Variants in NOL4 observed in about 807,000 individuals in gnomAD.
The protein encoded by NOL4 is nucleolar protein 4, also known as cancer/testis antigen 125.
NOL4 carries 17 observed loss-of-function variants against 75.9 expected under a neutral mutation model. The ratio of observed to expected loss-of-function variants is 0.22; its 90% CI spans 0.15 to 0.34. NOL4 has a LOEUF of 0.34. NOL4 is among the 10% of genes least tolerant of loss of function. The pLI is 1.00. For missense variants in NOL4, 614 were observed against 793.5 expected, an observed-to-expected ratio of 0.77 and a Z score of 2.72; for synonymous variants, 292 against 289.9, an observed-to-expected ratio of 1.01 and a Z score of -0.07.
chr18:33,959,625 A>C (rs1172971912), intron 6 of NOL4, among the ~76,000 whole-genome samples: 2 of 152,096 alleles, frequency 1.3e-5, no homozygotes, highest in African/African-American at 4.8e-5. Context: ...CTGTTTCATG[A>C]TATAAAAGAT....
At chr18:33,992,531 T>C (rs1209628029) in intron 6 of NOL4, among the ~76,000 whole-genome samples, 1 of 151,768 alleles carries the variant, frequency 6.6e-6, no homozygotes, top group African/African-American at 2.4e-5. Flanking sequence ...ACAGTGAGAG[T>C]CTGTGGTATT....
chr18:33,967,509 A>G (rs918756604), intron 6 of NOL4, among the ~76,000 whole-genome samples: 6 of 152,186 alleles, frequency 3.9e-5, no homozygotes, highest in African/African-American at 4.8e-5. Context: ...CGGCAAAACA[A>G]ATTAGCAGAG....
intron 1 of NOL4, among the ~76,000 whole-genome samples, chr18:34,138,234 T>G (rs1427222273): frequency 6.6e-6 from 1 of 151,896 alleles, no homozygotes; most frequent in African/African-American, 2.4e-5. Flanking sequence ...CCCTCATCAC[T>G]ATAAAAAATA....
intron 9 of NOL4, among the ~76,000 whole-genome samples, chr18:33,922,374 A>T (rs1161803753): frequency 6.6e-6 from 1 of 152,214 alleles, no homozygotes; most frequent in Non-Finnish European, 1.5e-5. Flanking sequence ...TAGACTTAAA[A>T]ATAAAGTGAA....
chr18:34,077,594 T>G (rs901322311), intron 5 of NOL4, among the ~76,000 whole-genome samples: 1 of 151,928 alleles, frequency 6.6e-6, no homozygotes, highest in Non-Finnish European at 1.5e-5. Flanking sequence ...AAACACAACA[T>G]GCAAGGACAA....
chr18:34,172,498 G>A (rs866707551), intron 1 of NOL4, among the ~76,000 whole-genome samples: 1 of 152,048 alleles, frequency 6.6e-6, no homozygotes, highest in African/African-American at 2.4e-5. Context: ...TGCGAGTGCA[G>A]ATATCTCTTC....
intron 5 of NOL4, among the ~76,000 whole-genome samples, chr18:34,066,059 G>T (rs888055062): frequency 1.3e-5 from 2 of 151,770 alleles, no homozygotes; most frequent in African/African-American, 4.8e-5. Flanking sequence ...TTATAAGCAG[G>T]TTCACAGGAT....
intron 2 of NOL4, among the ~76,000 whole-genome samples, chr18:34,111,437 G>C (rs567113460): frequency 4.0e-5 from 6 of 151,828 alleles, no homozygotes; most frequent in Admixed American, 3.3e-4. Flanking sequence ...CTCATAAATG[G>C]GATTAGTGCC....
intron 9 of NOL4, among the ~76,000 whole-genome samples, chr18:33,886,471 T>A (rs1417932686): frequency 6.7e-6 from 1 of 148,484 alleles, no homozygotes; most frequent in African/African-American, 2.5e-5. Context: ...GAGGTTGCAG[T>A]GAGCCAAGAT....
At chr18:33,913,413 C>T (rs976401384) in intron 9 of NOL4, among the ~76,000 whole-genome samples, 5 of 152,152 alleles carry the variant, frequency 3.3e-5, no homozygotes, top group African/African-American at 1.2e-4. Flanking sequence ...TGGATGTCGT[C>T]ATTCCATTAG....
At chr18:34,166,535 A>G (rs1177103257) in intron 1 of NOL4, among the ~76,000 whole-genome samples, 1 of 152,118 alleles carries the variant, frequency 6.6e-6, no homozygotes, top group East Asian at 1.9e-4. Flanking sequence ...TTTGAACTGG[A>G]GCCAATGGTA....
chr18:34,102,837 G>C (rs1235954439), intron 4 of NOL4, among the ~76,000 whole-genome samples: 1 of 151,758 alleles, frequency 6.6e-6, no homozygotes, highest in African/African-American at 2.4e-5. Flanking sequence ...AAGGACATTA[G>C]TATTTTCTTA....
chr18:34,169,873 A>T (rs1370640938), intron 1 of NOL4, among the ~76,000 whole-genome samples: 1 of 152,100 alleles, frequency 6.6e-6, no homozygotes, highest in Admixed American at 6.5e-5. Flanking sequence ...TTAAGGACAA[A>T]ATTTTACTAT....
chr18:34,099,654 A>C (rs2078953315), intron 4 of NOL4, among the ~76,000 whole-genome samples: 1 of 151,996 alleles, frequency 6.6e-6, no homozygotes, highest in Non-Finnish European at 1.5e-5. Context: ...TTTCTATCCC[A>C]CTGATATTTA....
intron 1 of NOL4, among the ~76,000 whole-genome samples, chr18:34,193,303 T>C (rs188086031): frequency 1.2e-3 from 182 of 152,084 alleles, no homozygotes; most frequent in African/African-American, 4.0e-3. Flanking sequence ...AAGGAAACAA[T>C]TGACAGAGTG....
intron 5 of NOL4, among the ~76,000 whole-genome samples, chr18:34,081,492 C>A (rs1443408540): frequency 6.6e-6 from 1 of 151,978 alleles, no homozygotes; most frequent in Non-Finnish European, 1.5e-5. Flanking sequence ...GCCTATTTTT[C>A]TGAATGCTTT....
intron 10 of NOL4, among the ~76,000 whole-genome samples, chr18:33,868,651 A>ACACACACACACACACT (rs2063546993): frequency 9.4e-6 from 1 of 106,582 alleles, no homozygotes; most frequent in African/African-American, 4.6e-5. Flanking sequence ...CCTGTATTTC[A>ACACACACACACACACT]CACACACACA....
intron 1 of NOL4, among the ~76,000 whole-genome samples, chr18:34,165,105 G>T (rs868619470): frequency 3.8e-5 from 5 of 130,602 alleles, no homozygotes; most frequent in Non-Finnish European, 8.1e-5. Context: ...GTGGGGGAAG[G>T]GGGGAGGGAT....
Position 34,207,641 on chromosome 18 carries a change from T to C in NOL4, c.264+15349A>G, listed in dbSNP as rs532316410. ...TCTTTGGAATTTCCCTCACACTCTC[T>C]AATTCCCAACAGATTACTTTTTTTC... On this transcript the variant is annotated intron_variant, in intron 1 of 10. Transcript: ENST00000261592. Among the ~76,000 whole-genome samples, 10 of 152,322 alleles carry C rather than the reference T, an allele frequency of 6.6e-5. No homozygotes were observed. In the South Asian group the frequency reaches 2.1e-3, roughly 32 times the overall value.
Sources: gnomAD v4.1 joint callset for allele counts (sites outside exome capture counted in the v4.1 genomes callset) on GRCh38, gnomAD v4.1.1 for gene constraint, MANE v1.5 for transcripts, NCBI Gene and HGNC (gene_info 2026-07-23, HGNC 2026-07-21) for gene names.